USP34: variants seen among roughly 807,000 people sequenced by gnomAD.
USP34 encodes ubiquitin carboxyl-terminal hydrolase 34.
A neutral mutation model predicts 460.3 loss-of-function variants in USP34; 70 were observed. The observed-to-expected ratio is 0.15, with a 90% CI of 0.13 to 0.19. The LOEUF (loss-of-function observed/expected upper bound fraction) is 0.19, where lower values mean the gene tolerates loss of function less well. USP34 is among the 10% of genes least tolerant of loss of function. The pLI, the probability that USP34 is intolerant of heterozygous loss-of-function variation, is 1.00. For synonymous variants in USP34, 1,647 were observed against 1,405.3 expected, an observed-to-expected ratio of 1.17 and a Z score of -3.85; for missense variants, 3,985 against 4,236.2, an observed-to-expected ratio of 0.94 and a Z score of 1.65.
Position 61,214,434 on chromosome 2 carries a change from G to C in USP34, c.8308C>G (p.Leu2770Val). Residue 2770 changes from leucine (L) to valine (V), a missense_variant, in exon 68 of 80, where the codon CTG (leucine) becomes GTG (valine). By Grantham distance (32) the Leu-to-Val change is conservative. Coordinates refer to ENST00000398571, the MANE Select transcript of USP34 (RefSeq NM_014709.4). ...TYCLISKTEK[L>V]MFSTYFMDLW... The stretch of plus-strand genomic sequence containing the variant: ...TCCATGAAATATGTGGAAAACATCA[G>C]CTTCTCAGTTTTGGAAATTAAACAG... The C allele has an allele frequency of 6.2e-7, 1 of 1,614,204 alleles. No homozygotes were observed. The highest frequency in any genetic ancestry group is 8.5e-7 in the Non-Finnish European group (1 of 1,180,036).
At chr2:61,325,086 G>A (rs1270985978) in intron 21 of USP34, among the ~76,000 whole-genome samples, 1 of 151,990 alleles carries the variant, frequency 6.6e-6, no homozygotes, top group African/African-American at 2.4e-5. Context: ...AGACACTGGA[G>A]TCTCCAAAAG....
At chr2:61,250,207 G>C (rs1271760484) in intron 48 of USP34, 1 of 163,614 alleles carries the variant, frequency 6.1e-6, no homozygotes, top group Non-Finnish European at 1.3e-5. Flanking sequence ...AACAGAGCGA[G>C]ACTCAAAAAA....
At chr2:61,447,404 AATT>A (rs1273232282) in intron 1 of USP34, among the ~76,000 whole-genome samples, 4 of 152,062 alleles carry the variant, frequency 2.6e-5, no homozygotes, top group Non-Finnish European at 4.4e-5. Context: ...TCAAAGCTCA[AATT>A]TTATCACTGG....
chr2:61,252,284 A>G (rs1688605142), intron 48 of USP34, among the ~76,000 whole-genome samples: 1 of 152,174 alleles, frequency 6.6e-6, no homozygotes, highest in Non-Finnish European at 1.5e-5. Context: ...TCTGAGCTCA[A>G]TTGCTGGGTT....
rs191866521 is a variant in USP34 at position 61,256,992 on chromosome 2, A to G, written c.6049-42T>C. The G allele has an allele frequency of 7.9e-5, 112 of 1,419,804 alleles. No homozygotes were observed. In the African/African-American group the frequency reaches 1.4e-3, roughly 18 times the overall value. The allele number at this position is 1,419,804 out of a possible 1,614,324, so 88.0% of individuals were successfully genotyped here. A position where few individuals can be genotyped will look rare whatever the true frequency, so the allele number is the denominator to read the frequency against. On this transcript the variant is annotated intron_variant, in intron 46 of 79. Transcript: ENST00000398571. ...AAAAATTAATAAAAACTAGTAAATT[A>G]TAATATAAATGAAAATATATTAAGA...
chr2:61,353,928 C>CG (rs1558545776), intron 10 of USP34, among the ~76,000 whole-genome samples: 2 of 151,696 alleles, frequency 1.3e-5, no homozygotes, highest in Non-Finnish European at 2.9e-5. Flanking sequence ...TCTGAGCAAG[C>CG]GGAAAAAAGA....
intron 72 of USP34, 65 bp downstream of exon 72, chr2:61,205,952 G>A (rs1262878646): frequency 7.6e-5 from 97 of 1,271,704 alleles, no homozygotes; most frequent in East Asian, 1.9e-4. Flanking sequence ...TTAACATCAC[G>A]GAAAAACTCA....
chr2:61,466,129 T>C (rs555180568), intron 1 of USP34, among the ~76,000 whole-genome samples: 1 of 151,830 alleles, frequency 6.6e-6, no homozygotes, highest in Admixed American at 6.6e-5. Flanking sequence ...CGGTTAACAA[T>C]AATATATGAT....
intron 10 of USP34, among the ~76,000 whole-genome samples, chr2:61,357,040 G>C (rs973998520): frequency 6.6e-6 from 1 of 152,112 alleles, no homozygotes; most frequent in African/African-American, 2.4e-5. Flanking sequence ...TTTCAATAAA[G>C]AGAATAATCA....
chr2:61,225,306 C>T (rs921664869), intron 62 of USP34, among the ~76,000 whole-genome samples: 1 of 151,998 alleles, frequency 6.6e-6, no homozygotes, highest in African/African-American at 2.4e-5. Context: ...TACATTAATA[C>T]TTTCAGAATA....
At chr2:61,354,078 T>G (rs1692034863) in intron 10 of USP34, among the ~76,000 whole-genome samples, 1 of 151,868 alleles carries the variant, frequency 6.6e-6, no homozygotes, top group South Asian at 2.1e-4. Context: ...CAAAGAAAAA[T>G]GGAAAGACAG....
intron 8 of USP34, among the ~76,000 whole-genome samples, chr2:61,372,659 A>T (rs1692663694): frequency 6.6e-6 from 1 of 152,136 alleles, no homozygotes; most frequent in African/African-American, 2.4e-5. Context: ...AGTAAGGCAT[A>T]ATCGTGCTGT....
At chr2:61,445,192 G>C (rs1416512564) in intron 1 of USP34, among the ~76,000 whole-genome samples, 1 of 67,174 alleles carries the variant, frequency 1.5e-5, no homozygotes, top group Non-Finnish European at 2.9e-5. Flanking sequence ...AAAATGCTAA[G>C]AGAAAAAACT....
chr2:61,242,773 G>A (rs1688305407), intron 51 of USP34, among the ~76,000 whole-genome samples: 2 of 152,092 alleles, frequency 1.3e-5, no homozygotes, highest in Admixed American at 6.5e-5. Flanking sequence ...AAAAGCCAAG[G>A]GAAGCAGACA....
intron 49 of USP34, among the ~76,000 whole-genome samples, chr2:61,247,645 CAGCCTCCTAAT>C (rs1403236925): frequency 6.6e-6 from 1 of 152,166 alleles, no homozygotes; most frequent in African/African-American, 2.4e-5. Flanking sequence ...CCTCCCATCT[CAGCCTCCTAAT>C]AGCTGTGACC....
At position 61,192,984 on chromosome 2, in the gene USP34, A is replaced by T. The variant is rs780843618; in HGVS notation, c.9509-4T>A. 2 of 1,611,774 alleles carry T rather than the reference A, an allele frequency of 1.2e-6. No individual in the cohort carries two copies. Among genetic ancestry groups the T allele is most frequent in the Non-Finnish European group, 1.7e-6 (2 of 1,178,218 alleles). On this transcript the variant is annotated splice_polypyrimidine_tract_variant and splice_region_variant and intron_variant, in intron 75 of 79. Transcript: ENST00000398571. Reference sequence around the variant, plus strand: ...CCTTCATAGGCAACTAGGACACCTAATATTTGAAAAGAAATCAGAATAGGT... The same window carrying T: ...CCTTCATAGGCAACTAGGACACCTATTATTTGAAAAGAAATCAGAATAGGT...
At chr2:61,446,230 G>C (rs1271191055) in intron 1 of USP34, among the ~76,000 whole-genome samples, 1 of 151,910 alleles carries the variant, frequency 6.6e-6, no homozygotes, top group Non-Finnish European at 1.5e-5. Context: ...GAGACAAGTG[G>C]AACTGTTATA....
chr2:61,457,261 G>C (rs957286458), intron 1 of USP34, among the ~76,000 whole-genome samples: 3 of 152,166 alleles, frequency 2.0e-5, no homozygotes, highest in African/African-American at 7.2e-5. Context: ...GGGCGACAGA[G>C]CAAGACCTGT....
chr2:61,308,372 T>A (rs1690479303), intron 27 of USP34, among the ~76,000 whole-genome samples: 1 of 151,990 alleles, frequency 6.6e-6, no homozygotes, highest in Non-Finnish European at 1.5e-5. Flanking sequence ...AGCATGACAG[T>A]AGAAATGAAA....
Sources: allele counts gnomAD v4.1 joint callset (sites outside exome capture counted in the v4.1 genomes callset), GRCh38; gene constraint gnomAD v4.1.1; transcripts MANE v1.5; gene names NCBI Gene and HGNC (gene_info 2026-07-23, HGNC 2026-07-21).